The following DIAPH2 variants were observed in gnomAD, a reference collection of about 807,000 sequenced individuals.
DIAPH2 encodes the protein diaphanous related formin 2, also known as protein diaphanous homolog 2.
A neutral mutation model predicts 92.7 loss-of-function variants in DIAPH2; 35 were observed. The ratio of observed to expected loss-of-function variants is 0.38; its 90% CI spans 0.29 to 0.50. DIAPH2 has a LOEUF of 0.50. Ranked by LOEUF, DIAPH2 falls within the 20% of genes least tolerant of loss-of-function variation. The pLI, the probability that DIAPH2 is intolerant of heterozygous loss-of-function variation, is 0.94. For missense variants in DIAPH2, 701 were observed against 819.5 expected (o/e 0.86, Z 1.77); for synonymous variants, 301 against 280.4 (o/e 1.07, Z -0.73).
intron 22 of DIAPH2, among the ~76,000 whole-genome samples, chrX:97,232,897 T>A (rs1190106648): frequency 8.9e-6 from 1 of 112,344 alleles, no homozygotes; most frequent in Non-Finnish European, 1.9e-5. Context: ...ACATCTCTTC[T>A]CATTCTTGAC....
intron 23 of DIAPH2, among the ~76,000 whole-genome samples, chrX:97,260,657 C>T (rs919770807): frequency 9.0e-6 from 1 of 111,633 alleles, no homozygotes; most frequent in African/African-American, 3.3e-5. Flanking sequence ...TTTAAAAAAC[C>T]CTCTTAACTT....
intron 26 of DIAPH2, among the ~76,000 whole-genome samples, chrX:97,484,442 A>G (rs1330023128): frequency 8.9e-6 from 1 of 112,539 alleles, no homozygotes; most frequent in Non-Finnish European, 1.9e-5. Context: ...TGGTGATTCT[A>G]ATATCAATAC....
intron 1 of DIAPH2, among the ~76,000 whole-genome samples, chrX:96,707,693 GA>G (rs1010778897): frequency 1.9e-5 from 2 of 107,348 alleles, no homozygotes. Context: ...CGTCTCAAAA[GA>G]AAAAAAAATG....
At chrX:97,447,361 T>C (rs1008324890) in intron 26 of DIAPH2, among the ~76,000 whole-genome samples, 1 of 110,894 alleles carries the variant, frequency 9.0e-6, no homozygotes, top group African/African-American at 3.3e-5. Flanking sequence ...GCAGGGAAGT[T>C]CCAGCTTTAA....
chrX:97,428,561 A>G (rs895964264), intron 25 of DIAPH2, among the ~76,000 whole-genome samples: 1 of 111,049 alleles, frequency 9.0e-6, no homozygotes, highest in African/African-American at 3.3e-5. Flanking sequence ...ATGTATTTTC[A>G]TTTGTGATCT....
chrX:96,885,526 T>C (rs2065255959), intron 5 of DIAPH2: 2 of 120,447 alleles, frequency 1.7e-5, no homozygotes, highest in African/African-American at 6.7e-5. Context: ...ATTTAGCTTA[T>C]TATAATGATA....
chrX:97,547,223 T>C (rs1050635222), intron 26 of DIAPH2, among the ~76,000 whole-genome samples: 2 of 111,459 alleles, frequency 1.8e-5, no homozygotes, highest in African/African-American at 6.5e-5. Context: ...CTAGGGATCA[T>C]TGGCACCACC....
intron 24 of DIAPH2, among the ~76,000 whole-genome samples, chrX:97,365,926 C>G (rs374499707): frequency 9.0e-6 from 1 of 110,797 alleles, no homozygotes; most frequent in East Asian, 2.8e-4. Context: ...TCTCGAACTC[C>G]TGGCCTGAAG....
chrX:96,976,004 T>C (rs865867873), intron 17 of DIAPH2, among the ~76,000 whole-genome samples: 3 of 94,657 alleles, frequency 3.2e-5, no homozygotes, highest in Non-Finnish European at 4.2e-5. Context: ...TCCTTCCCTC[T>C]CTCCCTCCCT....
chrX:96,753,326 G>C (rs2064205326), intron 3 of DIAPH2, among the ~76,000 whole-genome samples: 1 of 111,987 alleles, frequency 8.9e-6, no homozygotes, highest in South Asian at 3.7e-4. Flanking sequence ...TCAGCAGAAT[G>C]ATGTACTTGG....
chrX:97,243,019 C>T (rs1365150021), intron 22 of DIAPH2, among the ~76,000 whole-genome samples: 2 of 109,613 alleles, frequency 1.8e-5, no homozygotes, highest in Admixed American at 2.0e-4. Flanking sequence ...ATCTCCTGAC[C>T]TCGTGATCTG....
At chrX:97,179,521 C>T (rs2067522158) in intron 22 of DIAPH2, among the ~76,000 whole-genome samples, 1 of 111,068 alleles carries the variant, frequency 9.0e-6, no homozygotes, top group Admixed American at 9.6e-5. Context: ...TCATCCATGT[C>T]CCTGCAAAGG....
chrX:97,573,861 A>ATGTTGGCCAGGC (rs1260036231), intron 26 of DIAPH2, among the ~76,000 whole-genome samples: 1 of 109,996 alleles, frequency 9.1e-6, no homozygotes, highest in African/African-American at 3.3e-5. Flanking sequence ...GGGTTTCACC[A>ATGTTGGCCAGGC]TGTTGGCCAG....
chrX:97,116,849 C>T (rs928062693), intron 21 of DIAPH2, among the ~76,000 whole-genome samples: 2 of 111,287 alleles, frequency 1.8e-5, no homozygotes, highest in African/African-American at 6.5e-5. Context: ...CAAAAGGTTA[C>T]GTTAATCTCA....
intron 19 of DIAPH2, among the ~76,000 whole-genome samples, chrX:97,097,763 C>A (rs1379960095): frequency 9.0e-6 from 1 of 111,271 alleles, no homozygotes; most frequent in Non-Finnish European, 1.9e-5. Flanking sequence ...TTCTTAATAA[C>A]ATACATACTT....
chrX:97,212,228 T>G (rs1457500071), intron 22 of DIAPH2, among the ~76,000 whole-genome samples: 1 of 111,962 alleles, frequency 8.9e-6, no homozygotes, highest in Non-Finnish European at 1.9e-5. Context: ...AAATGTCACT[T>G]GAATTAACAC....
At chrX:97,595,314 TG>T (rs2071543276) in intron 26 of DIAPH2, among the ~76,000 whole-genome samples, 2 of 112,367 alleles carry the variant, frequency 1.8e-5, no homozygotes, top group African/African-American at 6.5e-5. Flanking sequence ...GTCCATTTAC[TG>T]CAGGACTCAG....
chrX:97,580,204 T>C (rs1307586339), intron 26 of DIAPH2, among the ~76,000 whole-genome samples: 1 of 100,422 alleles, frequency 1.0e-5, no homozygotes, highest in Non-Finnish European at 2.0e-5. Context: ...TCCAACACTA[T>C]GTTGAATAGG....
In DIAPH2 at chrX:97,565,302, C is replaced by T. The variant is rs1030989792; in HGVS notation, c.3242-33951C>T. Among the ~76,000 whole-genome samples the T allele has an allele frequency of 4.5e-5, 5 of 112,017 alleles. No homozygotes were observed. The Admixed American group carries it at 4.7e-4, about 11-fold the overall frequency. ...TTTATAATACCTATCATACGGGATC[C>T]TTTTAAGAATGATTGACGCAATATA... On this transcript the variant is annotated intron_variant, in intron 26 of 26. Transcript: ENST00000324765.
Sources: allele counts gnomAD v4.1 joint callset (sites outside exome capture counted in the v4.1 genomes callset), GRCh38; gene constraint gnomAD v4.1.1; transcripts MANE v1.5; gene names NCBI Gene and HGNC (gene_info 2026-07-23, HGNC 2026-07-21).